RGS18: variants seen among roughly 807,000 people sequenced by gnomAD.
The protein encoded by RGS18 is regulator of G protein signaling 18.
RGS18 carries 22 observed loss-of-function variants against 27.6 expected under a neutral mutation model. The ratio of observed to expected loss-of-function variants is 0.80; its 90% CI spans 0.57 to 1.14. RGS18 has a LOEUF of 1.14. Ranked by LOEUF, RGS18 falls within the 50% of genes most tolerant of loss-of-function variation. The pLI, the probability that RGS18 is intolerant of heterozygous loss-of-function variation, is 0.00. For missense variants in RGS18, 299 were observed against 269.6 expected (o/e 1.11, Z -0.76); for synonymous variants, 89 against 84.6 (o/e 1.05, Z -0.29).
chr1:192,178,700 G>T (rs1336939237), intron 3 of RGS18, among the ~76,000 whole-genome samples: 1 of 151,076 alleles, frequency 6.6e-6, no homozygotes, highest in Non-Finnish European at 1.5e-5. Context: ...GAGATAGAGG[G>T]GATTAAGAGA....
intron 3 of RGS18, among the ~76,000 whole-genome samples, chr1:192,180,882 AC>A (rs1656440879): frequency 6.6e-6 from 1 of 151,598 alleles, no homozygotes. Flanking sequence ...TAGTAAGGGA[AC>A]CTCAAGATCC....
At chr1:192,171,594 G>A (rs922430235) in intron 3 of RGS18, among the ~76,000 whole-genome samples, 11 of 152,072 alleles carry the variant, frequency 7.2e-5, no homozygotes, top group African/African-American at 1.4e-4. Context: ...TGAAGAGGCC[G>A]TGGTGCAGAA....
chr1:192,181,821 G>C (rs1426818554), intron 4 of RGS18, among the ~76,000 whole-genome samples: 1 of 151,458 alleles, frequency 6.6e-6, no homozygotes, highest in Non-Finnish European at 1.5e-5. Flanking sequence ...CTCTGTACCT[G>C]TTGATCCATC....
At chr1:192,168,030 TA>T (rs1262548230) in intron 3 of RGS18, 2 of 152,224 alleles carry the variant, frequency 1.3e-5, no homozygotes, top group African/African-American at 2.4e-5. Context: ...TTCATATTTG[TA>T]TGACACATTG....
Position 192,181,437 on chromosome 1 carries a change from A to G in RGS18, c.429A>G (p.Ile143Met). 1 of 1,568,258 alleles carries G rather than the reference A, an allele frequency of 6.4e-7. No individual in the cohort carries two copies. Among genetic ancestry groups the G allele is most frequent in the Non-Finnish European group, 8.6e-7 (1 of 1,162,186 alleles). ...LKAKAIYEKF[I>M]QTDAPKEVNL... is the part of the protein sequence containing the mutation. ...CAAAAGCAATATATGAGAAATTTAT[A>G]CAGACTGATGCCCCAAAAGAGGTAC... The change falls in exon 4 of 5, where the codon ATA becomes ATG. Residue 143 changes from isoleucine (I) to methionine (M), a missense_variant. Coordinates refer to ENST00000367460, the MANE Select transcript of RGS18 (RefSeq NM_130782.3).
At chr1:192,180,465 C>A (rs1349351349) in intron 3 of RGS18, among the ~76,000 whole-genome samples, 1 of 151,568 alleles carries the variant, frequency 6.6e-6, no homozygotes, top group Admixed American at 6.6e-5. Flanking sequence ...AGACTTAATA[C>A]CTGCCCCTAA....
At chr1:192,183,113 G>A (rs1489944263) in intron 4 of RGS18, among the ~76,000 whole-genome samples, 1 of 151,490 alleles carries the variant, frequency 6.6e-6, no homozygotes, top group African/African-American at 2.4e-5. Flanking sequence ...TCTAATGTGT[G>A]TTTTATAAAT....
chr1:192,167,107 A>ATT (rs1656175425), intron 3 of RGS18, among the ~76,000 whole-genome samples: 1 of 152,190 alleles, frequency 6.6e-6, no homozygotes, highest in Non-Finnish European at 1.5e-5. Context: ...TGTGGTTCTA[A>ATT]GTAACTTCTG....
intron 3 of RGS18, chr1:192,160,732 T>C (rs1368334871): frequency 2.9e-6 from 1 of 339,032 alleles, no homozygotes; most frequent in Non-Finnish European, 5.4e-6. Flanking sequence ...TTCGGTTTTA[T>C]CAAATTCATG....
chr1:192,177,808 T>C (rs952015217), intron 3 of RGS18, among the ~76,000 whole-genome samples: 1 of 151,782 alleles, frequency 6.6e-6, no homozygotes, highest in African/African-American at 2.4e-5. Context: ...AATGGAACTA[T>C]ACGTGTTTCT....
chr1:192,177,626 G>A (rs144970047), intron 3 of RGS18, among the ~76,000 whole-genome samples: 29 of 151,786 alleles, frequency 1.9e-4, no homozygotes, highest in Admixed American at 9.2e-4. Flanking sequence ...CACCCAACTC[G>A]TTCTTTAGAG....
intron 2 of RGS18, 60 bp from the exon 3 acceptor site, chr1:192,160,318 A>G: frequency 2.8e-6 from 3 of 1,069,480 alleles, no homozygotes; most frequent in Non-Finnish European, 4.3e-6. Flanking sequence ...ATATGTTAGA[A>G]CAGATTCATA....
chr1:192,169,666 C>G lies in RGS18; in HGVS notation c.283+9227C>G, dbSNP rs186465362. Reference sequence around the variant, plus strand: ...TTGTTTTCTTTTTAATTAGGATTACCTGAAAATCTTCTCACAATTATTTTG... The same window carrying G: ...TTGTTTTCTTTTTAATTAGGATTACGTGAAAATCTTCTCACAATTATTTTG... On this transcript the variant is annotated intron_variant, in intron 3 of 4. Coordinates refer to ENST00000367460, the MANE Select transcript of RGS18 (RefSeq NM_130782.3). 7.4e-4 allele frequency: 112 copies of G among 152,126 alleles called. 1 individual carries two copies. Among genetic ancestry groups the G allele is most frequent in the African/African-American group, 2.7e-3 (111 of 41,534 alleles). The allele number at this position is 152,126 out of a possible 1,614,324, so 9.4% of individuals were successfully genotyped here. A position where few individuals can be genotyped will look rare whatever the true frequency, so the allele number is the denominator to read the frequency against.
intron 3 of RGS18, among the ~76,000 whole-genome samples, chr1:192,166,499 A>G (rs1176987256): frequency 6.6e-6 from 1 of 152,172 alleles, no homozygotes; most frequent in African/African-American, 2.4e-5. Flanking sequence ...TCTGATGGTT[A>G]GAAAGGTAAA....
chr1:192,173,528 C>T (rs1656299382), intron 3 of RGS18, among the ~76,000 whole-genome samples: 1 of 151,812 alleles, frequency 6.6e-6, no homozygotes, highest in Non-Finnish European at 1.5e-5. Context: ...GATTAAAATA[C>T]ATTTTTTTCT....
chr1:192,176,462 A>G (rs1022314430), intron 3 of RGS18, among the ~76,000 whole-genome samples: 1 of 151,500 alleles, frequency 6.6e-6, no homozygotes, highest in South Asian at 2.1e-4. Flanking sequence ...TTTTCTTCTC[A>G]TCTGTTGCCA....
chr1:192,159,685 C>T (rs374952258), intron 2 of RGS18, among the ~76,000 whole-genome samples: 1 of 152,080 alleles, frequency 6.6e-6, no homozygotes, highest in South Asian at 2.1e-4. Flanking sequence ...TTTGAAAAAA[C>T]ACACGCATTA....
intron 4 of RGS18, among the ~76,000 whole-genome samples, chr1:192,182,629 A>G (rs944504892): frequency 4.6e-5 from 7 of 151,740 alleles, no homozygotes; most frequent in African/African-American, 1.7e-4. Context: ...AATGGAAGAC[A>G]TTGTAAGATA....
rs374531185 is a variant in RGS18 at position 192,161,333 on chromosome 1, TTATAA to T, written c.283+899_283+903del. On this transcript the variant is annotated intron_variant, in intron 3 of 4. Transcript: ENST00000367460. ...GGCCTCATTTGACTCTGGAACACTG[TTATAA>T]TATAGCATGGCTTAGGAGGCAGGCT... The T allele has an allele frequency of 4.3e-4, 66 of 152,256 alleles. 1 individual carries two copies. The highest frequency in any genetic ancestry group is 1.5e-3 in the African/African-American group (62 of 41,546). 9.4% of individuals were successfully genotyped at this position (152,256 alleles called of 1,614,324 possible).
Sources: gnomAD v4.1 joint callset for allele counts (sites outside exome capture counted in the v4.1 genomes callset) on GRCh38, gnomAD v4.1.1 for gene constraint, MANE v1.5 for transcripts, NCBI Gene and HGNC (gene_info 2026-07-23, HGNC 2026-07-21) for gene names.